The following FHIT variants were observed in gnomAD, a reference collection of about 807,000 sequenced individuals.
The protein encoded by FHIT is fragile histidine triad diadenosine triphosphatase.
In FHIT, 19 loss-of-function variants were observed where a neutral mutation model predicts 17.9. The ratio of observed to expected loss-of-function variants is 1.06; its 90% CI spans 0.74 to 1.56. The LOEUF (loss-of-function observed/expected upper bound fraction) is 1.56, where lower values mean the gene tolerates loss of function less well. Among genes scored for constraint, FHIT ranks in the 40% most tolerant of loss-of-function variants. The pLI, the probability that FHIT is intolerant of heterozygous loss-of-function variation, is 0.00. For synonymous variants in FHIT, 81 were observed against 69.7 expected, an observed-to-expected ratio of 1.16 and a Z score of -0.81; for missense variants, 248 against 189.2, an observed-to-expected ratio of 1.31 and a Z score of -1.82.
At chr3:59,851,742 C>T (rs556807832) in intron 8 of FHIT, among the ~76,000 whole-genome samples, 3 of 152,190 alleles carry the variant, frequency 2.0e-5, no homozygotes. Context: ...TAGAATTTAC[C>T]TTGATCCCCA....
At chr3:60,905,594 C>A (rs1001926307) in intron 3 of FHIT, among the ~76,000 whole-genome samples, 19 of 152,080 alleles carry the variant, frequency 1.2e-4, no homozygotes, top group African/African-American at 4.1e-4. Flanking sequence ...TCCATAGATA[C>A]AATCAATAGT....
At chr3:60,470,336 G>A (rs111242552) in intron 5 of FHIT, among the ~76,000 whole-genome samples, 35 of 152,218 alleles carry the variant, frequency 2.3e-4, no homozygotes, top group African/African-American at 7.2e-4. Flanking sequence ...GTCCAGAGAT[G>A]TTTTCTGGGA....
At position 60,275,230 on chromosome 3, in the gene FHIT, GAA is replaced by G. The variant is rs67928408; in HGVS notation, c.104-261080_104-261079del. 2.8e-4 allele frequency among the ~76,000 whole-genome samples: 37 copies of G among 131,110 alleles called. No individual in the cohort carries two copies. The East Asian group carries it at 3.5e-3, about 12-fold the overall frequency. The allele number at this position is 131,110 out of a possible 152,430, so 86.0% of individuals were successfully genotyped here. A position where few individuals can be genotyped will look rare whatever the true frequency, so the allele number is the denominator to read the frequency against. On this transcript the variant is annotated intron_variant, in intron 5 of 9. Transcript: ENST00000492590. Reference sequence around the variant, plus strand: ...TCTGGGAAATATTTCTGGAAGAAAAGAAAAAAAAAAAAAAACTATGAATCAAC... The same window carrying G: ...TCTGGGAAATATTTCTGGAAGAAAAGAAAAAAAAAAAAACTATGAATCAAC...
At chr3:60,584,694 G>T (rs1183598450) in intron 4 of FHIT, among the ~76,000 whole-genome samples, 1 of 151,994 alleles carries the variant, frequency 6.6e-6, no homozygotes, top group Non-Finnish European at 1.5e-5. Flanking sequence ...AAGGAAAGAA[G>T]TTACAAAGTC....
intron 5 of FHIT, among the ~76,000 whole-genome samples, chr3:60,167,446 G>A (rs1336672230): frequency 6.6e-6 from 1 of 152,134 alleles, no homozygotes; most frequent in African/African-American, 2.4e-5. Flanking sequence ...GCATTTTGCA[G>A]TTTAGACTCT....
At chr3:59,877,545 C>T (rs1482308759) in intron 8 of FHIT, among the ~76,000 whole-genome samples, 1 of 152,136 alleles carries the variant, frequency 6.6e-6, no homozygotes, top group African/African-American at 2.4e-5. Flanking sequence ...TGTAAACAAG[C>T]CCTATGGTTC....
At chr3:59,982,579 G>A (rs1708701964) in intron 7 of FHIT, among the ~76,000 whole-genome samples, 1 of 152,172 alleles carries the variant, frequency 6.6e-6, no homozygotes, top group Non-Finnish European at 1.5e-5. Flanking sequence ...ATTTCACAAT[G>A]AATTTTTGCC....
At chr3:61,236,704 T>C (rs573845765) in intron 1 of FHIT, among the ~76,000 whole-genome samples, 1 of 152,350 alleles carries the variant, frequency 6.6e-6, no homozygotes, top group South Asian at 2.1e-4. Context: ...TGACATGATG[T>C]AGCCATCTCA....
chr3:60,520,265 T>C (rs2107562825), intron 5 of FHIT, among the ~76,000 whole-genome samples: 1 of 152,220 alleles, frequency 6.6e-6, no homozygotes, highest in African/African-American at 2.4e-5. Context: ...GTCACAAATG[T>C]CCAAAAAATT....
chr3:60,907,607 A>C (rs1553764874), intron 3 of FHIT, among the ~76,000 whole-genome samples: 1 of 148,218 alleles, frequency 6.7e-6, no homozygotes, highest in African/African-American at 2.4e-5. Flanking sequence ...TCATCTTAGG[A>C]GGTATAAGGT....
chr3:60,248,684 T>A (rs543274342), intron 5 of FHIT, among the ~76,000 whole-genome samples: 8 of 152,278 alleles, frequency 5.3e-5, no homozygotes, highest in African/African-American at 1.9e-4. Context: ...TCAACCTAAA[T>A]GGTTAGTATT....
At chr3:60,472,036 T>C (rs2033112699) in intron 5 of FHIT, among the ~76,000 whole-genome samples, 1 of 152,178 alleles carries the variant, frequency 6.6e-6, no homozygotes, top group South Asian at 2.1e-4. Flanking sequence ...GATGAAATAC[T>C]ACCTATTGGG....
rs184624017 is a variant in FHIT, at chr3:60,162,678, G to A, written c.104-148526C>T. On this transcript the variant is annotated intron_variant, in intron 5 of 9. Transcript: ENST00000492590. ...TACCTTCTTTATAGATGAGAAACTCGCTAGCAATCACAATTAATATGAGGA... is the reference window on the plus strand; with the variant it reads ...TACCTTCTTTATAGATGAGAAACTCACTAGCAATCACAATTAATATGAGGA... 2.6e-4 allele frequency among the ~76,000 whole-genome samples: 39 copies of A among 152,158 alleles called. No individual in the cohort carries two copies. The East Asian group carries it at 7.2e-3, about 28-fold the overall frequency.
chr3:61,063,697 G>A (rs2034507982), intron 2 of FHIT, among the ~76,000 whole-genome samples: 1 of 152,222 alleles, frequency 6.6e-6, no homozygotes, highest in Non-Finnish European at 1.5e-5. Context: ...ATGACAGAAA[G>A]AGTGGTGAAG....
At chr3:60,814,246 T>A (rs2106731066) in intron 4 of FHIT, among the ~76,000 whole-genome samples, 1 of 152,260 alleles carries the variant, frequency 6.6e-6, no homozygotes, top group South Asian at 2.1e-4. Context: ...TATTTGCATG[T>A]TTGTTACCTG....
At position 59,922,523 on chromosome 3, in the gene FHIT, G is replaced by A. The variant is rs1705459101; in HGVS notation, c.280-109C>T. The stretch of plus-strand genomic sequence containing the variant: ...ATTACTCCACGATGGTTCCTGCTGG[G>A]TTATTTTTCAGAGGAAGTTGATATC... On this transcript the variant is annotated intron_variant, in intron 7 of 9. Coordinates refer to ENST00000492590, the MANE Select transcript of FHIT (RefSeq NM_002012.4). 3.3e-5 allele frequency: 30 copies of A among 897,442 alleles called. No homozygotes were observed. In the East Asian group the frequency reaches 7.6e-4, roughly 23 times the overall value. 55.6% of individuals were successfully genotyped at this position (897,442 alleles called of 1,614,324 possible).
chr3:60,734,593 G>C (rs2042098220), intron 4 of FHIT, among the ~76,000 whole-genome samples: 1 of 152,190 alleles, frequency 6.6e-6, no homozygotes, highest in Non-Finnish European at 1.5e-5. Context: ...TCAAACTTCT[G>C]AGCTCAAGCA....
chr3:61,213,568 C>A (rs576893085), intron 1 of FHIT, among the ~76,000 whole-genome samples: 1 of 152,128 alleles, frequency 6.6e-6, no homozygotes, highest in Non-Finnish European at 1.5e-5. Context: ...GAGACTTTAA[C>A]AACCCACTGT....
chr3:61,209,998 T>G (rs2039403553), intron 1 of FHIT, among the ~76,000 whole-genome samples: 2 of 152,366 alleles, frequency 1.3e-5, no homozygotes, highest in South Asian at 4.1e-4. Context: ...TTGGTGTGGA[T>G]GTCCTTTCTG....
Sources: gnomAD v4.1 joint callset for allele counts (sites outside exome capture counted in the v4.1 genomes callset) on GRCh38, gnomAD v4.1.1 for gene constraint, MANE v1.5 for transcripts, NCBI Gene and HGNC (gene_info 2026-07-23, HGNC 2026-07-21) for gene names.